NOL11: variants seen among roughly 807,000 people sequenced by gnomAD.
The protein encoded by NOL11 is nucleolar protein 11.
In NOL11, 42 loss-of-function variants were observed where a neutral mutation model predicts 93.0. That is an observed-to-expected ratio of 0.45 (90% CI 0.35 to 0.58). NOL11 has a LOEUF of 0.58. NOL11 is among the 20% of genes least tolerant of loss of function. The probability of loss-of-function intolerance (pLI) is 0.00; values close to 1 mark genes in which losing one functional copy is unlikely to be tolerated. For synonymous variants in NOL11, 296 were observed against 293.7 expected (o/e 1.01, Z -0.08); for missense variants, 775 against 841.8 (o/e 0.92, Z 0.98).
intron 1 of NOL11, 24 bp downstream of exon 1, chr17:67,718,112 G>C: frequency 6.2e-7 from 1 of 1,603,368 alleles, no homozygotes. Context: ...GTTTGGGAGC[G>C]CCCCGACTGC....
At chr17:67,722,245 T>TATA (rs1291529193) in intron 4 of NOL11, among the ~76,000 whole-genome samples, 18 of 152,312 alleles carry the variant, frequency 1.2e-4, no homozygotes, top group African/African-American at 4.3e-4. Flanking sequence ...GAGATCTTAA[T>TATA]GTTTTCCTCA....
chr17:67,736,723 G>T lies in NOL11; in HGVS notation c.1112G>T (p.Gly371Val). 6.2e-7 allele frequency: 1 copy of T among 1,613,282 alleles called. No homozygotes were observed. The highest frequency in any genetic ancestry group is 8.5e-7 in the Non-Finnish European group (1 of 1,179,526). ...GAGACACCTCAAGGATGTGGACTTG[G>T]GTTCCAGAACTCAGAGCAGTCAAGA... ...NWETPQGCGL[G>V]FQNSEQSRRI... The change falls in exon 10 of 18, where the codon GGG becomes GTG. Residue 371 changes from glycine (G) to valine (V), a missense_variant. Coordinates refer to ENST00000253247, the MANE Select transcript of NOL11 (RefSeq NM_015462.5).
intron 7 of NOL11, among the ~76,000 whole-genome samples, chr17:67,730,653 T>G (rs2055146051): frequency 6.6e-6 from 1 of 152,218 alleles, no homozygotes; most frequent in African/African-American, 2.4e-5. Context: ...TTTTTTTAAT[T>G]TTTATGGGTA....
intron 3 of NOL11, 76 bp downstream of exon 3, chr17:67,720,038 A>G (rs2043206014): frequency 1.5e-6 from 2 of 1,306,132 alleles, no homozygotes; most frequent in African/African-American, 1.5e-5. Flanking sequence ...AGTATGTGTT[A>G]TTTATTTTAA....
chr17:67,726,853 G>A, intron 7 of NOL11: 1 of 433,252 alleles, frequency 2.3e-6, no homozygotes. Flanking sequence ...AACACTTCTT[G>A]CTATCACCAC....
intron 8 of NOL11, among the ~76,000 whole-genome samples, 194 bp from the exon 9 acceptor site, chr17:67,735,701 TTTAAA>T (rs2055195076): frequency 6.6e-6 from 1 of 152,210 alleles, no homozygotes; most frequent in Non-Finnish European, 1.5e-5. Context: ...GAAAATATTC[TTTAAA>T]TTATGCTTCA....
chr17:67,731,686 A>G (rs1413032777), intron 7 of NOL11, among the ~76,000 whole-genome samples: 1 of 152,114 alleles, frequency 6.6e-6, no homozygotes, highest in Non-Finnish European at 1.5e-5. Flanking sequence ...TAGGTTGTTG[A>G]TTTATTTTGA....
chr17:67,722,257 A>G (rs1253037505), intron 4 of NOL11, among the ~76,000 whole-genome samples: 1 of 152,214 alleles, frequency 6.6e-6, no homozygotes, highest in African/African-American at 2.4e-5. Flanking sequence ...TTTTCCTCAG[A>G]ACACGAGTCC....
chr17:67,737,405 G>T, intron 11 of NOL11, 103 bp from the exon 12 acceptor site: 1 of 983,322 alleles, frequency 1.0e-6, no homozygotes, highest in Admixed American at 2.5e-5. Context: ...AGGAATGCAT[G>T]ATAACTGTTA....
At chr17:67,719,414 C>G in intron 1 of NOL11, 1 of 254,696 alleles carries the variant, frequency 3.9e-6, no homozygotes, top group Non-Finnish European at 7.7e-6. Context: ...GCGCACGCCA[C>G]CACGCCCGGC....
Position 67,721,499 on chromosome 17 carries a change from C to T in NOL11, c.434C>T (p.Thr145Ile). The T allele has an allele frequency of 6.2e-7, 1 of 1,613,568 alleles. No individual in the cohort carries two copies. Among genetic ancestry groups the T allele is most frequent in the Non-Finnish European group, 8.5e-7 (1 of 1,179,782 alleles). The change falls in exon 4 of 18, where the codon ACT becomes ATT. Residue 145 changes from threonine (T) to isoleucine (I), a missense_variant. Thr to Ile is a moderately conservative substitution (Grantham distance 89). Coordinates refer to ENST00000253247, the MANE Select transcript of NOL11 (RefSeq NM_015462.5). Reference sequence around the variant, plus strand: ...GCAGACCCCCAGCAGAAAATTGAAACTGTTATCTCTGATGAAGAAGTGATT... The same window carrying T: ...GCAGACCCCCAGCAGAAAATTGAAATTGTTATCTCTGATGAAGAAGTGATT... ...LLADPQQKIE[T>I]VISDEEVIKW...
intron 6 of NOL11, 138 bp downstream of exon 6, chr17:67,724,331 A>AT: frequency 2.6e-6 from 1 of 384,644 alleles, no homozygotes; most frequent in Non-Finnish European, 4.3e-6. Flanking sequence ...TCATGCCTTC[A>AT]CTTTTTTTTT....
At chr17:67,738,458 C>T in intron 14 of NOL11, 103 bp downstream of exon 14, 1 of 718,282 alleles carries the variant, frequency 1.4e-6, no homozygotes, top group Non-Finnish European at 2.3e-6. Context: ...TTTTTCTTTC[C>T]TTTTCCAATT....
chr17:67,740,866 T>G (rs1599049841), intron 16 of NOL11: 1 of 153,380 alleles, frequency 6.5e-6, no homozygotes, highest in African/African-American at 2.4e-5. Flanking sequence ...TTTTAAACAC[T>G]TAAGTTGGCT....
chr17:67,735,851 C>G, intron 8 of NOL11, 49 bp from the exon 9 acceptor site: 1 of 1,535,158 alleles, frequency 6.5e-7, no homozygotes, highest in Non-Finnish European at 8.9e-7. Context: ...TGAGTCATAC[C>G]TTAGAAGAGA....
chr17:67,717,994 G>T lies in NOL11; in HGVS notation c.47G>T (p.Ser16Ile). The T allele has an allele frequency of 6.2e-7, 1 of 1,614,264 alleles. No individual in the cohort carries two copies. Among genetic ancestry groups the T allele is most frequent in the Non-Finnish European group, 8.5e-7 (1 of 1,180,052 alleles). The change falls in exon 1 of 18, where the codon AGC becomes ATC. Residue 16 changes from serine (S) to isoleucine (I), a missense_variant. Physicochemically the swap from Ser to Ile is moderately radical, Grantham distance 142. Coordinates refer to ENST00000253247, the MANE Select transcript of NOL11 (RefSeq NM_015462.5). ...EEFTLSSVVL[S>I]AGPEGLLGVE... ...TTCACGTTGTCTTCGGTAGTCCTGA[G>T]CGCCGGGCCTGAAGGACTCCTAGGC...
rs2055279793 is a variant in NOL11 at position 67,744,050 on chromosome 17, T to C, written c.*191T>C. The C allele has an allele frequency of 3.0e-6, 1 of 333,720 alleles. No individual in the cohort carries two copies. The highest frequency in any genetic ancestry group is 5.4e-6 in the Non-Finnish European group (1 of 185,344). The allele number at this position is 333,720 out of a possible 1,614,324, so 20.7% of individuals were successfully genotyped here. On this transcript the variant is annotated 3_prime_UTR_variant, in exon 18 of 18. Coordinates refer to ENST00000253247, the MANE Select transcript of NOL11 (RefSeq NM_015462.5). ...GGTTTCACATGAACCTGTTCTAGGCTGTGGACATTGGTGTGGAGAGGTTCT... is the reference window on the plus strand; with the variant it reads ...GGTTTCACATGAACCTGTTCTAGGCCGTGGACATTGGTGTGGAGAGGTTCT...
At chr17:67,734,219 C>T (rs2055180234) in intron 7 of NOL11, 144 bp from the exon 8 acceptor site, 1 of 597,146 alleles carries the variant, frequency 1.7e-6, no homozygotes, top group Non-Finnish European at 2.9e-6. Flanking sequence ...CTCATTTCTT[C>T]CAGTTCCTGT....
chr17:67,738,242 C>G lies in NOL11; in HGVS notation c.1650C>G (p.Phe550Leu). 1.2e-6 allele frequency: 2 copies of G among 1,613,532 alleles called. No individual in the cohort carries two copies. The highest frequency in any genetic ancestry group is 2.2e-5 in the East Asian group (1 of 44,846). The change falls in exon 14 of 18, where the codon TTC (phenylalanine) becomes TTG (leucine). Residue 550 changes from phenylalanine to leucine, a missense_variant. Transcript: ENST00000253247. ...EEQTEILQNGFNPEEDKCNNC... is the reference protein window; with the variant it reads ...EEQTEILQNGLNPEEDKCNNC... ...AAACTGAAATTCTTCAAAATGGCTT[C>G]AATCCTGAAGAAGATAAATGCAATA...
Sources: allele counts gnomAD v4.1 joint callset (sites outside exome capture counted in the v4.1 genomes callset), GRCh38; gene constraint gnomAD v4.1.1; transcripts MANE v1.5; gene names NCBI Gene and HGNC (gene_info 2026-07-23, HGNC 2026-07-21).